The following PTPRD variants were observed in gnomAD, a reference collection of about 807,000 sequenced individuals.
The protein encoded by PTPRD is receptor-type tyrosine-protein phosphatase delta.
In PTPRD, 34 loss-of-function variants were observed where a neutral mutation model predicts 214.5. That is an observed-to-expected ratio of 0.16 (90% CI 0.12 to 0.21). The LOEUF (loss-of-function observed/expected upper bound fraction) is 0.21, where lower values mean the gene tolerates loss of function less well. PTPRD is among the 10% of genes least tolerant of loss of function. The probability of loss-of-function intolerance (pLI) is 1.00; values close to 1 mark genes in which losing one functional copy is unlikely to be tolerated. For synonymous variants in PTPRD, 1,128 were observed against 845.7 expected (o/e 1.33, Z -5.79); for missense variants, 2,545 against 2,398.7 (o/e 1.06, Z -1.27).
At chr9:8,565,997 G>A (rs1209904351) in intron 14 of PTPRD, among the ~76,000 whole-genome samples, 1 of 152,018 alleles carries the variant, frequency 6.6e-6, no homozygotes, top group African/African-American at 2.4e-5. Flanking sequence ...ATATGTGAAG[G>A]TTATAAACCA....
chr9:9,404,860 T>C, intron 8 of PTPRD, among the ~76,000 whole-genome samples: 1 of 152,082 alleles, frequency 6.6e-6, no homozygotes, highest in East Asian at 1.9e-4. Flanking sequence ...AACAAAATTA[T>C]GTGGCCCTGT....
chr9:9,277,529 A>G (rs1946129495), intron 9 of PTPRD, among the ~76,000 whole-genome samples: 1 of 151,358 alleles, frequency 6.6e-6, no homozygotes, highest in Non-Finnish European at 1.5e-5. Flanking sequence ...ATTTTTATAT[A>G]TGATTATACA....
intron 14 of PTPRD, among the ~76,000 whole-genome samples, chr9:8,594,857 C>CA (rs1218070782): frequency 7.3e-6 from 1 of 137,024 alleles, no homozygotes; most frequent in African/African-American, 2.7e-5. Flanking sequence ...ATATGTTTAA[C>CA]CCCTTTTTTT....
At chr9:8,405,744 A>AT (rs200460575) in intron 35 of PTPRD, among the ~76,000 whole-genome samples, 1 of 152,138 alleles carries the variant, frequency 6.6e-6, no homozygotes, top group African/African-American at 2.4e-5. Context: ...TACCCAGGTA[A>AT]TTTTTTTAAA....
chr9:9,456,171 G>C (rs1034236909), intron 8 of PTPRD, among the ~76,000 whole-genome samples: 1 of 151,722 alleles, frequency 6.6e-6, no homozygotes, highest in Non-Finnish European at 1.5e-5. Context: ...AACAACTGAG[G>C]CATGTTTAGT....
At chr9:9,766,999 T>G (rs1326735861) in intron 5 of PTPRD, 148 bp from the exon 6 acceptor site, 1 of 150,816 alleles carries the variant, frequency 6.6e-6, no homozygotes. Flanking sequence ...CAAAAAGATG[T>G]CTTATCTTTT....
intron 11 of PTPRD, among the ~76,000 whole-genome samples, chr9:8,786,480 G>C (rs1007275692): frequency 4.4e-5 from 6 of 136,164 alleles, no homozygotes; most frequent in Admixed American, 2.6e-4. Context: ...CTCCATCTCA[G>C]CTCAACTGCA....
chr9:9,705,778 A>G (rs1305509343), intron 7 of PTPRD, among the ~76,000 whole-genome samples: 1 of 152,136 alleles, frequency 6.6e-6, no homozygotes, highest in African/African-American at 2.4e-5. Flanking sequence ...TGATTTTTAA[A>G]TTAAATATCT....
At chr9:10,024,787 C>A (rs1374384572) in intron 4 of PTPRD, among the ~76,000 whole-genome samples, 5 of 114,666 alleles carry the variant, frequency 4.4e-5, no homozygotes, top group South Asian at 3.8e-4. Flanking sequence ...CCCCTCCCCC[C>A]ACCCCACAAC....
At chr9:9,207,682 G>A (rs1036323850) in intron 9 of PTPRD, among the ~76,000 whole-genome samples, 3 of 152,088 alleles carry the variant, frequency 2.0e-5, no homozygotes, top group African/African-American at 4.8e-5. Flanking sequence ...TTTACCCTTT[G>A]ACCTAGAAAT....
chr9:9,636,158 T>A (rs1420908906), intron 7 of PTPRD, among the ~76,000 whole-genome samples: 2 of 152,136 alleles, frequency 1.3e-5, no homozygotes, highest in Non-Finnish European at 2.9e-5. Flanking sequence ...CTGAAACACT[T>A]TTTTGCCCAC....
chr9:10,115,390 T>C (rs572790072), intron 3 of PTPRD, among the ~76,000 whole-genome samples: 1 of 152,240 alleles, frequency 6.6e-6, no homozygotes, highest in South Asian at 2.1e-4. Flanking sequence ...TGTTTCAATG[T>C]AGTCTATAAA....
rs142609476 is a variant in PTPRD, at chr9:9,563,594, T to C, written c.-237+11138A>G. Among the ~76,000 whole-genome samples the C allele has an allele frequency of 3.1e-3, 465 of 152,242 alleles. 2 individuals carry two copies. The highest frequency in any genetic ancestry group is 0.011 in the African/African-American group (441 of 41,554). On this transcript the variant is annotated intron_variant, in intron 8 of 45. Transcript: ENST00000381196. ...TAGTAAGAAAAATAAGGAAACCACA[T>C]TCAGAGGATCAGGACAGCTGTTGAT...
intron 11 of PTPRD, among the ~76,000 whole-genome samples, chr9:8,751,463 G>C (rs182024351): frequency 1.8e-4 from 28 of 151,972 alleles, no homozygotes; most frequent in African/African-American, 6.5e-4. Flanking sequence ...GTAGATCAAA[G>C]CCTTTTTTGT....
At chr9:9,713,198 A>G (rs937533167) in intron 7 of PTPRD, among the ~76,000 whole-genome samples, 1 of 152,216 alleles carries the variant, frequency 6.6e-6, no homozygotes, top group African/African-American at 2.4e-5. Flanking sequence ...CAGACAGAAA[A>G]TGTGTATTAA....
rs375342183 is a variant in PTPRD at position 9,312,882 on chromosome 9, C to T, written c.-203+84567G>A. On this transcript the variant is annotated intron_variant, in intron 9 of 45. Transcript: ENST00000381196. ...CTTGTGATTGTTTATTTTTGAACTACGTGTTAGTCGCAGGACATCCTCACA... is the reference window on the plus strand; with the variant it reads ...CTTGTGATTGTTTATTTTTGAACTATGTGTTAGTCGCAGGACATCCTCACA... 2.6e-4 allele frequency among the ~76,000 whole-genome samples: 40 copies of T among 152,288 alleles called. No individual in the cohort carries two copies. The South Asian group carries it at 2.9e-3, about 11-fold the overall frequency.
intron 5 of PTPRD, among the ~76,000 whole-genome samples, chr9:9,839,038 G>T (rs1050629267): frequency 1.1e-4 from 16 of 152,204 alleles, no homozygotes; most frequent in East Asian, 1.9e-4. Flanking sequence ...TTTCCCCATT[G>T]CTTGTTTTTG....
At chr9:8,582,698 C>T (rs2093284992) in intron 14 of PTPRD, among the ~76,000 whole-genome samples, 1 of 152,098 alleles carries the variant, frequency 6.6e-6, no homozygotes, top group Non-Finnish European at 1.5e-5. Flanking sequence ...TATTTTATAA[C>T]CCTTCAGATT....
At chr9:9,630,382 G>C (rs896275562) in intron 7 of PTPRD, among the ~76,000 whole-genome samples, 1 of 152,140 alleles carries the variant, frequency 6.6e-6, no homozygotes, top group Admixed American at 6.6e-5. Flanking sequence ...GAGAAGGCAG[G>C]GAGAGGATGG....
Sources: gnomAD v4.1 joint callset for allele counts (sites outside exome capture counted in the v4.1 genomes callset) on GRCh38, gnomAD v4.1.1 for gene constraint, MANE v1.5 for transcripts, NCBI Gene and HGNC (gene_info 2026-07-23, HGNC 2026-07-21) for gene names.